Variants in TNIP1 observed in about 807,000 individuals in gnomAD.
TNIP1 encodes TNFAIP3 interacting protein 1.
TNIP1 carries 22 observed loss-of-function variants against 86.6 expected under a neutral mutation model. The observed-to-expected ratio is 0.25, with a 90% confidence interval of 0.18 to 0.36. The LOEUF (loss-of-function observed/expected upper bound fraction) is 0.36. Ranked by LOEUF, TNIP1 falls within the 10% of genes least tolerant of loss-of-function variation. TNIP1 has a pLI of 1.00. For missense variants in TNIP1, 709 were observed against 820.6 expected (o/e 0.86, Z 1.66); for synonymous variants, 294 against 313.0 (o/e 0.94, Z 0.64).
chr5:151,087,431 GC>G (rs1328947165), upstream of TNIP1, among the ~76,000 whole-genome samples: 1 of 152,190 alleles, frequency 6.6e-6, no homozygotes, highest in Non-Finnish European at 1.5e-5. Context: ...CTGGGAAAAG[GC>G]ACCCGAGAAT....
At chr5:151,052,813 G>A (rs988981063) in intron 6 of TNIP1, among the ~76,000 whole-genome samples, 1 of 152,138 alleles carries the variant, frequency 6.6e-6, no homozygotes. Flanking sequence ...CGGAGGGCTG[G>A]GACCCCTAAC....
At chr5:151,042,402 C>T in intron 11 of TNIP1, 138 bp downstream of exon 11, 1 of 1,101,848 alleles carries the variant, frequency 9.1e-7, no homozygotes, top group Non-Finnish European at 1.3e-6. Flanking sequence ...AAGGAACGTG[C>T]CTGTGTTTTT....
Position 151,039,190 on chromosome 5 carries a change from C to A in TNIP1, c.1170G>T (p.Glu390Asp), listed in dbSNP as rs1405459387. Reference protein sequence around the residue: ...DKEQLTAEAKELRQKVKYLQD... With the variant: ...DKEQLTAEAKDLRQKVKYLQD... Reference sequence around the variant, plus strand: ...GCAGGTACTTGACCTTTTGGCGCAGCTCCTTGGCCTCTGCTGTCAGCTGCT... The same window carrying A: ...GCAGGTACTTGACCTTTTGGCGCAGATCCTTGGCCTCTGCTGTCAGCTGCT... The change falls in exon 12 of 18, where the codon GAG becomes GAT. Residue 390 changes from glutamate (E) to aspartate (D), a missense_variant. Physicochemically the swap from Glu to Asp is conservative, Grantham distance 45. Transcript: ENST00000521591. 11 of 1,613,588 alleles carry A rather than the reference C, an allele frequency of 6.8e-6. No individual in the cohort carries two copies. The highest frequency in any genetic ancestry group is 8.5e-6 in the Non-Finnish European group (10 of 1,179,940).
intron 10 of TNIP1, 57 bp from the exon 11 acceptor site, chr5:151,042,728 T>C (rs1758602627): frequency 6.2e-7 from 1 of 1,608,050 alleles, no homozygotes; most frequent in African/African-American, 1.3e-5. Context: ...ACTTGCAGGA[T>C]GTGGGCAGGG....
intron 9 of TNIP1, among the ~76,000 whole-genome samples, chr5:151,043,538 G>A (rs550794971): frequency 6.6e-6 from 1 of 152,342 alleles, no homozygotes; most frequent in South Asian, 2.1e-4. Flanking sequence ...ACTCTGGGAG[G>A]CCAAGGTGGG....
intron 17 of TNIP1, among the ~76,000 whole-genome samples, chr5:151,031,896 G>T (rs1458373717): frequency 3.3e-5 from 5 of 152,156 alleles, no homozygotes; most frequent in Admixed American, 3.3e-4. Context: ...GTCTAGGTCG[G>T]CTTCCTCTGC....
At chr5:151,048,691 C>A (rs995248170) in intron 8 of TNIP1, among the ~76,000 whole-genome samples, 4 of 152,178 alleles carry the variant, frequency 2.6e-5, no homozygotes, top group African/African-American at 9.7e-5. Flanking sequence ...GAATTCCACA[C>A]CTGAGGCAGC....
At chr5:151,048,751 A>G (rs956320745) in intron 8 of TNIP1, among the ~76,000 whole-genome samples, 1 of 152,198 alleles carries the variant, frequency 6.6e-6, no homozygotes, top group East Asian at 1.9e-4. Context: ...CTTCCACAAG[A>G]GGGCAGACAA....
chr5:151,042,385 T>C lies in TNIP1; in HGVS notation c.1134+155A>G, dbSNP rs542016947. ...TCAATTTTCAGATGGGAAACTGCAG[T>C]GCAGGGAAGGAACGTGCCTGTGTTT... On this transcript the variant is annotated intron_variant, in intron 11 of 17. Coordinates refer to ENST00000521591, the MANE Select transcript of TNIP1 (RefSeq NM_006058.5). Among the ~76,000 whole-genome samples the C allele has an allele frequency of 6.9e-4, 105 of 152,328 alleles. 1 individual carries two copies. Among genetic ancestry groups the C allele is most frequent in the African/African-American group, 2.5e-3 (104 of 41,576 alleles).
In TNIP1 at chr5:151,030,048, T is replaced by A; in HGVS notation, c.*665A>T. 1 of 456,810 alleles carries A rather than the reference T, an allele frequency of 2.2e-6. No individual in the cohort carries two copies. The highest frequency in any genetic ancestry group is 4.4e-6 in the Non-Finnish European group (1 of 226,886). The allele number at this position is 456,810 out of a possible 1,614,324, so 28.3% of individuals were successfully genotyped here. ...GCTTCTGGCACCACAGGCCTCCAGC[T>A]ATGGGGTCCAGGGTCTGAACCTCAG... On this transcript the variant is annotated 3_prime_UTR_variant, in exon 18 of 18. Transcript: ENST00000521591.
intron 6 of TNIP1, among the ~76,000 whole-genome samples, chr5:151,055,970 C>T (rs1473006670): frequency 2.0e-5 from 3 of 152,196 alleles, no homozygotes; most frequent in Admixed American, 6.5e-5. Flanking sequence ...TGTGGATGCC[C>T]GTCATGAACT....
At position 151,042,658 on chromosome 5, in the gene TNIP1, C is replaced by T. The variant is rs200244992; in HGVS notation, c.1016G>A (p.Arg339His). 2.3e-5 allele frequency: 37 copies of T among 1,613,792 alleles called. No individual in the cohort carries two copies. Among genetic ancestry groups the T allele is most frequent in the South Asian group, 3.3e-5 (3 of 91,080 alleles). Residue 339 changes from arginine to histidine, a missense_variant, in exon 11 of 18, where the codon CGT becomes CAT. Transcript: ENST00000521591. ...CTTCTGCAAATCAGCCAGCTTCTGA[C>T]GCAGCTCAGTGATCTGGGTTCAGAG... is the stretch of plus-strand genomic sequence containing the variant. ...QQYEQKITEL[R>H]QKLADLQKQV...
At chr5:151,069,298 GCAGTGTT>G (rs1485492365) in intron 1 of TNIP1, among the ~76,000 whole-genome samples, 1 of 152,220 alleles carries the variant, frequency 6.6e-6, no homozygotes, top group Non-Finnish European at 1.5e-5. Flanking sequence ...CTTCCCATTA[GCAGTGTT>G]CTGGTGGCTG....
chr5:151,042,398 C>T (rs561970530), intron 11 of TNIP1, 142 bp downstream of exon 11: 23 of 1,042,880 alleles, frequency 2.2e-5, no homozygotes, highest in African/African-American at 1.4e-4. Context: ...AGGGAAGGAA[C>T]GTGCCTGTGT....
chr5:151,075,498 C>T (rs908446740), intron 1 of TNIP1, among the ~76,000 whole-genome samples: 2 of 152,182 alleles, frequency 1.3e-5, no homozygotes, highest in African/African-American at 4.8e-5. Context: ...CCCTCCCTCC[C>T]CACTCTAGCA....
intron 1 of TNIP1, among the ~76,000 whole-genome samples, chr5:151,073,205 G>C (rs898428565): frequency 6.9e-6 from 1 of 145,152 alleles, no homozygotes; most frequent in African/African-American, 2.5e-5. Flanking sequence ...CTGGGAGACA[G>C]AGTGGGACTC....
intron 1 of TNIP1, chr5:151,080,064 A>G (rs1305392180): frequency 6.6e-6 from 1 of 152,140 alleles, no homozygotes; most frequent in African/African-American, 2.4e-5. Context: ...CCAAAACACA[A>G]TCTCTCACCC....
upstream of TNIP1, chr5:151,081,202 G>A (rs1398874961): frequency 6.6e-6 from 1 of 152,140 alleles, no homozygotes; most frequent in Non-Finnish European, 1.5e-5. Context: ...GGTGTCTCTC[G>A]TCCCTTCGGC....
Position 151,042,581 on chromosome 5 carries a change from G to A in TNIP1, c.1093C>T (p.Arg365Cys), listed in dbSNP as rs925721048. Residue 365 changes from arginine (R) to cysteine (C), a missense_variant, in exon 11 of 18, where the codon CGC becomes TGC. Transcript: ENST00000521591. ...EREQKQRDFDRKLLLAKSKIE... is the reference protein window; with the variant it reads ...EREQKQRDFDCKLLLAKSKIE... ...TTGGACTTGGCCAGGAGGAGCTTGC[G>A]GTCAAAGTCACGCTGCTTCTGCTCC... 5 of 1,613,658 alleles carry A rather than the reference G, an allele frequency of 3.1e-6. No individual in the cohort carries two copies. The highest frequency in any genetic ancestry group is 1.3e-5 in the African/African-American group (1 of 75,022).
Sources: allele counts gnomAD v4.1 joint callset (sites outside exome capture counted in the v4.1 genomes callset), GRCh38; gene constraint gnomAD v4.1.1; transcripts MANE v1.5; gene names NCBI Gene and HGNC (gene_info 2026-07-23, HGNC 2026-07-21).